Variants in RAB27A observed in about 807,000 individuals in gnomAD.
RAB27A encodes ras-related protein Rab-27A.
RAB27A carries 17 observed loss-of-function variants against 20.8 expected under a neutral mutation model. The observed-to-expected ratio is 0.82, with a 90% confidence interval of 0.56 to 1.23. RAB27A has a LOEUF of 1.23. Among genes scored for constraint, RAB27A ranks in the 50% most tolerant of loss-of-function variants. The pLI is 0.00. For missense variants in RAB27A, 277 were observed against 266.7 expected (o/e 1.04, Z -0.27); for synonymous variants, 85 against 92.8 (o/e 0.92, Z 0.48).
At chr15:55,279,516 C>A (rs1181530383) in intron 1 of RAB27A, among the ~76,000 whole-genome samples, 1 of 152,134 alleles carries the variant, frequency 6.6e-6, no homozygotes, top group Non-Finnish European at 1.5e-5. Flanking sequence ...CAACAGATGG[C>A]AAAAATGTAC....
intron 3 of RAB27A, 139 bp downstream of exon 3, chr15:55,234,643 T>C: frequency 1.1e-6 from 1 of 919,740 alleles, no homozygotes; most frequent in Non-Finnish European, 1.7e-6. Context: ...TTGCCTGGAT[T>C]GAACATAACT....
intron 2 of RAB27A, among the ~76,000 whole-genome samples, chr15:55,295,990 G>A (rs554664831): frequency 3.3e-5 from 5 of 151,002 alleles, no homozygotes; most frequent in South Asian, 4.2e-4. Flanking sequence ...TCCGCCTTCC[G>A]GTTTCAAGCG....
At position 55,253,031 on chromosome 15, in the gene RAB27A, C is replaced by G. The variant is rs564034544; in HGVS notation, c.-23+17134G>C. 1.8e-4 allele frequency among the ~76,000 whole-genome samples: 27 copies of G among 151,936 alleles called. No homozygotes were observed. The South Asian group carries it at 5.4e-3, about 30-fold the overall frequency. On this transcript the variant is annotated intron_variant, in intron 2 of 6. Transcript: ENST00000336787. Reference sequence around the variant, plus strand: ...CCTGTAATCCCAGCTACTCAGGAGGCTGAGGCAGTAGAATCACTTGAACCC... The same window carrying G: ...CCTGTAATCCCAGCTACTCAGGAGGGTGAGGCAGTAGAATCACTTGAACCC...
upstream of RAB27A, chr15:55,290,258 C>G (rs939890248): frequency 2.0e-5 from 3 of 152,230 alleles, no homozygotes; most frequent in Non-Finnish European, 2.9e-5. Flanking sequence ...ACGCCGGCCC[C>G]GCCCGAGGTT....
chr15:55,264,823 T>C (rs1266406883), intron 2 of RAB27A, among the ~76,000 whole-genome samples: 1 of 152,212 alleles, frequency 6.6e-6, no homozygotes, highest in African/African-American at 2.4e-5. Flanking sequence ...AGCACATCAA[T>C]TAAACATCTA....
chr15:55,292,579 T>C (rs34855466), upstream of RAB27A, among the ~76,000 whole-genome samples: 6,603 of 152,244 alleles, frequency 0.043, 220 homozygotes, highest in Middle Eastern at 0.058. Flanking sequence ...CAGTAGTCCA[T>C]GGGGATGCCC....
At chr15:55,245,161 G>A (rs1896640164) in intron 2 of RAB27A, among the ~76,000 whole-genome samples, 1 of 152,112 alleles carries the variant, frequency 6.6e-6, no homozygotes, top group South Asian at 2.1e-4. Context: ...ACCCTGAGGT[G>A]GAACACAGCT....
chr15:55,223,048 G>A (rs1319564479), intron 6 of RAB27A, among the ~76,000 whole-genome samples: 1 of 152,076 alleles, frequency 6.6e-6, no homozygotes, highest in East Asian at 1.9e-4. Context: ...GAGAACGACA[G>A]TATTTTGCTG....
chr15:55,318,368 A>T (rs2055078130), intron 1 of RAB27A, among the ~76,000 whole-genome samples: 1 of 150,074 alleles, frequency 6.7e-6, no homozygotes, highest in South Asian at 2.1e-4. Flanking sequence ...AAGTACTGGG[A>T]ATACAGGCGT....
At chr15:55,271,748 A>T (rs780294839) in intron 1 of RAB27A, among the ~76,000 whole-genome samples, 2 of 152,216 alleles carry the variant, frequency 1.3e-5, no homozygotes, top group African/African-American at 2.4e-5. Context: ...TGTCGGACAT[A>T]GAACTAATCA....
At chr15:55,250,274 A>G (rs1188707009) in intron 2 of RAB27A, among the ~76,000 whole-genome samples, 1 of 151,992 alleles carries the variant, frequency 6.6e-6, no homozygotes, top group East Asian at 1.9e-4. Context: ...TCCTTCTATT[A>G]TGTTTTTTAA....
Position 55,228,633 on chromosome 15 carries a change from A to G in RAB27A, c.319T>C (p.Phe107Leu). ...LLFDLTNEQS[F>L]LNVRNWISQL... ...CTTATCCAGTTTCTGACATTGAGGA[A>G]ACTTTGCTCATTTGTCAGATCAAAA... Residue 107 changes from phenylalanine to leucine, a missense_variant, in exon 5 of 7, where the codon TTC (phenylalanine) becomes CTC (leucine). Phe to Leu is a conservative substitution (Grantham distance 22, BLOSUM62 0). Transcript: ENST00000336787. The G allele has an allele frequency of 6.2e-7, 1 of 1,610,618 alleles. No homozygotes were observed.
intron 2 of RAB27A, among the ~76,000 whole-genome samples, chr15:55,268,651 G>T (rs1897594732): frequency 6.6e-6 from 1 of 152,108 alleles, no homozygotes. Flanking sequence ...TTAAACCATG[G>T]GTTAGTAGAC....
chr15:55,239,078 G>C (rs1284719655), intron 2 of RAB27A, among the ~76,000 whole-genome samples: 1 of 152,120 alleles, frequency 6.6e-6, no homozygotes, highest in Non-Finnish European at 1.5e-5. Flanking sequence ...CTCTGACTTG[G>C]ACATGCAGGT....
chr15:55,318,358 A>G (rs1055271428), intron 1 of RAB27A, among the ~76,000 whole-genome samples: 15 of 149,866 alleles, frequency 1.0e-4, no homozygotes, highest in East Asian at 4.1e-4. Context: ...TGGCCTCCCA[A>G]AGTACTGGGA....
At chr15:55,249,635 G>T (rs1318020109) in intron 2 of RAB27A, among the ~76,000 whole-genome samples, 1 of 152,156 alleles carries the variant, frequency 6.6e-6, no homozygotes, top group African/African-American at 2.4e-5. Flanking sequence ...TGTACACCCT[G>T]TTAGTTGGAT....
intron 1 of RAB27A, among the ~76,000 whole-genome samples, chr15:55,278,436 T>C (rs1005041469): frequency 6.6e-6 from 1 of 152,188 alleles, no homozygotes; most frequent in Non-Finnish European, 1.5e-5. Flanking sequence ...ATTTCACTTT[T>C]TTCCTTCATA....
chr15:55,239,495 G>A lies in RAB27A; in HGVS notation c.-22-4539C>T, dbSNP rs145313784. 7.5e-3 allele frequency among the ~76,000 whole-genome samples: 1,147 copies of A among 152,048 alleles called. 10 individuals are homozygous for A. The highest frequency in any genetic ancestry group is 0.017 in the Middle Eastern group (5 of 294). On this transcript the variant is annotated intron_variant, in intron 2 of 6. Transcript: ENST00000336787. ...CATTATATACTGTATAATCACACTC[G>A]AACAGCATGTATGTGTTCGAGTACA...
chr15:55,286,166 G>A (rs1487435415), intron 1 of RAB27A, among the ~76,000 whole-genome samples: 1 of 152,190 alleles, frequency 6.6e-6, no homozygotes, highest in Non-Finnish European at 1.5e-5. Context: ...AGCCAAGCAG[G>A]GTTGGGCCTG....
Sources: gnomAD v4.1 joint callset for allele counts (sites outside exome capture counted in the v4.1 genomes callset) on GRCh38, gnomAD v4.1.1 for gene constraint, MANE v1.5 for transcripts, NCBI Gene and HGNC (gene_info 2026-07-23, HGNC 2026-07-21) for gene names.